FLOT1: variants seen among roughly 807,000 people sequenced by gnomAD.
FLOT1 encodes flotillin 1, also known as flotillin-1.
In FLOT1, 40 loss-of-function variants were observed where a neutral mutation model predicts 58.4. That is an observed-to-expected ratio of 0.69 (90% CI 0.53 to 0.89). The LOEUF (loss-of-function observed/expected upper bound fraction) is 0.89, where lower values mean the gene tolerates loss of function less well. FLOT1 is among the 40% of genes least tolerant of loss of function. The pLI is 0.00. For synonymous variants in FLOT1, 178 were observed against 204.2 expected (o/e 0.87, Z 1.09); for missense variants, 423 against 540.8 (o/e 0.78, Z 2.16).
intron 9 of FLOT1, 22 bp downstream of exon 9, chr6:30,730,897 G>C (rs1777130735): frequency 6.2e-7 from 1 of 1,605,874 alleles, no homozygotes; most frequent in Non-Finnish European, 8.5e-7. Context: ...GAGCTAGGCA[G>C]GGTCAGGGAG....
Position 30,737,230 on chromosome 6 carries a change from G to GTCCGTCCA in FLOT1, c.723+2927_723+2928insTGGACGGA, listed in dbSNP as rs1554208558. ...CTGTCGTCCGTCCGTCCGTCCGTCC[G>GTCCGTCCA]TCCGTCCGTCCGTCCGTCCATCCGT... is the stretch of plus-strand genomic sequence containing the variant. On this transcript the variant is annotated intron_variant, in intron 8 of 12. Transcript: ENST00000376389. This position sits in a 1 kb window ranked among gnomAD's most constrained non-coding sequence, Gnocchi z 4.4. Among the ~76,000 whole-genome samples, 25 of 136,686 alleles carry GTCCGTCCA rather than the reference G, an allele frequency of 1.8e-4. 1 individual carries two copies. In the South Asian group the frequency reaches 2.7e-3, roughly 15 times the overall value. 89.7% of individuals were successfully genotyped at this position (136,686 alleles called of 152,430 possible). A position where few individuals can be genotyped will look rare whatever the true frequency, so the allele number is the denominator to read the frequency against.
At position 30,740,495 on chromosome 6, in the gene FLOT1, C is replaced by T; in HGVS notation, c.570+1G>A. On this transcript the variant is annotated splice_donor_variant, in intron 7 of 12. Transcript: ENST00000376389. LOFTEE classifies it high-confidence loss of function. Reference sequence around the variant, plus strand: ...CACTAAGCAACCCCCATCTCTCTCACCCGGATCCCAGCATCTCTCTTGGCC... The same window carrying T: ...CACTAAGCAACCCCCATCTCTCTCATCCGGATCCCAGCATCTCTCTTGGCC... The T allele has an allele frequency of 1.2e-6, 2 of 1,612,400 alleles. No homozygotes were observed. Among genetic ancestry groups the T allele is most frequent in the Non-Finnish European group, 1.7e-6 (2 of 1,179,926 alleles).
At position 30,730,044 on chromosome 6, in the gene FLOT1, A is replaced by G. The variant is rs767419945; in HGVS notation, c.1232T>C (p.Leu411Pro). The change falls in exon 12 of 13, where the codon CTC becomes CCC. Residue 411 changes from leucine (L) to proline (P), a missense_variant. Leu to Pro is a moderately conservative substitution (Grantham distance 98). This residue lies in a region of FLOT1 where 44 missense variants were observed against 40.3 expected (regional missense o/e 1.09). Transcript: ENST00000376389. ...LTRLPESVER[L>P]TGVSISQVNH... ...CACCTGGGAGATGCTCACGCCTGTG[A>G]GTCTTTCCACACTCTCTGGCAGGCG... The G allele has an allele frequency of 6.2e-7, 1 of 1,613,024 alleles. No homozygotes were observed. Among genetic ancestry groups the G allele is most frequent in the East Asian group, 2.2e-5 (1 of 44,886 alleles).
rs768590888 is a variant in FLOT1 at position 30,737,303 on chromosome 6, G to A, written c.723+2855C>T. Among the ~76,000 whole-genome samples, 2 of 150,444 alleles carry A rather than the reference G, an allele frequency of 1.3e-5. No homozygotes were observed. The highest frequency in any genetic ancestry group is 3.0e-5 in the Non-Finnish European group (2 of 67,544). ...ATCTTAGAAGGAGTCTCGCTCTGTC[G>A]CCCAGGCTGGAGTGCGGTGGCGCAA... is the stretch of plus-strand genomic sequence containing the variant. On this transcript the variant is annotated intron_variant, in intron 8 of 12. Coordinates refer to ENST00000376389, the MANE Select transcript of FLOT1 (RefSeq NM_005803.4). The surrounding 1 kb of genome is among the most constrained non-coding windows in gnomAD (Gnocchi z 4.4).
In FLOT1 at chr6:30,727,825, C is replaced by T. The variant is rs1001783491; in HGVS notation, c.*291G>A. ...TTGGTCAGGAAAATATTCTAGACAA[C>T]AGGCTCAAACAGTCTGATTTAATTA... On this transcript the variant is annotated 3_prime_UTR_variant, in exon 13 of 13. Transcript: ENST00000376389. The T allele has an allele frequency of 5.2e-5, 29 of 556,010 alleles. No homozygotes were observed. Among genetic ancestry groups the T allele is most frequent in the Non-Finnish European group, 8.7e-5 (27 of 310,618 alleles). The allele number at this position is 556,010 out of a possible 1,614,324, so 34.4% of individuals were successfully genotyped here.
intron 8 of FLOT1, among the ~76,000 whole-genome samples, chr6:30,734,109 A>C (rs1777400457): frequency 6.9e-6 from 1 of 144,010 alleles, no homozygotes; most frequent in African/African-American, 2.5e-5. Flanking sequence ...CCTCTTTGAG[A>C]TCTCTCTCTC....
Position 30,741,855 on chromosome 6 carries a change from C to G in FLOT1, c.56G>C (p.Ser19Thr). ...CCCTCCAGCCACCATGACTGGGGGG[C>G]TTCGGCAGAACCCTGCAAGGTGTGG... ...EAMVVSGFCRSPPVMVAGGRV... is the reference protein window; with the variant it reads ...EAMVVSGFCRTPPVMVAGGRV... The change falls in exon 3 of 13, where the codon AGC becomes ACC. Residue 19 changes from serine to threonine, a missense_variant. Ser to Thr is a moderately conservative substitution (Grantham distance 58). Coordinates refer to ENST00000376389, the MANE Select transcript of FLOT1 (RefSeq NM_005803.4). This position sits in a 1 kb window ranked among gnomAD's most constrained non-coding sequence, Gnocchi z 5.9. The G allele has an allele frequency of 6.2e-7, 1 of 1,612,602 alleles. No homozygotes were observed. The highest frequency in any genetic ancestry group is 8.5e-7 in the Non-Finnish European group (1 of 1,180,008).
In FLOT1 at chr6:30,740,701, AGAG is replaced by A; in HGVS notation, c.449_451del (p.Thr150_Leu151delinsMet). ...TACCTGGTCATCGTGAATGTCCTTC[AGAG>A]TGTAGCTAACCACACTGATGCCCAT... On this transcript the variant is annotated inframe_deletion, in exon 6 of 13. Transcript: ENST00000376389. The A allele has an allele frequency of 6.2e-7, 1 of 1,613,040 alleles. No homozygotes were observed. The highest frequency in any genetic ancestry group is 8.5e-7 in the Non-Finnish European group (1 of 1,180,024).
intron 12 of FLOT1, among the ~76,000 whole-genome samples, chr6:30,728,695 TCTGACCTCAG>T (rs917349388): frequency 6.6e-6 from 1 of 151,916 alleles, no homozygotes; most frequent in Admixed American, 6.6e-5. Context: ...ATCTCAAACT[TCTGACCTCAG>T]CTGATCGTCC....
chr6:30,736,750 C>T (rs1427684390), intron 8 of FLOT1, among the ~76,000 whole-genome samples: 3 of 151,530 alleles, frequency 2.0e-5, no homozygotes, highest in Non-Finnish European at 2.9e-5. Context: ...CCTGCCACCA[C>T]GCCCAGCTAA....
At position 30,741,686 on chromosome 6, in the gene FLOT1, C is replaced by T. The variant is rs1777993301; in HGVS notation, c.138G>A (p.Leu46=). The part of the protein sequence containing the change: ...QQIQRISLNT[L]TLNVKSEKVY... ...CCTTTTCACTCTTGACATTGAGGGT[C>T]AGTGTGTTGAGAGAGATCCTAGGGG... The change falls in exon 4 of 13, where the codon CTG becomes CTA. Residue 46 remains leucine (L), a synonymous_variant. Coordinates refer to ENST00000376389, the MANE Select transcript of FLOT1 (RefSeq NM_005803.4). This position sits in a 1 kb window ranked among gnomAD's most constrained non-coding sequence, Gnocchi z 5.9. 6 of 1,612,844 alleles carry T rather than the reference C, an allele frequency of 3.7e-6. No homozygotes were observed. The highest frequency in any genetic ancestry group is 5.1e-6 in the Non-Finnish European group (6 of 1,179,934).
intron 7 of FLOT1, 28 bp downstream of exon 7, chr6:30,740,468 C>T (rs1255677385): frequency 6.2e-7 from 1 of 1,606,782 alleles, no homozygotes; most frequent in Admixed American, 1.7e-5. Flanking sequence ...TATCCCCTTT[C>T]CCACTAAGCA....
chr6:30,740,648 A>G, intron 6 of FLOT1, 31 bp downstream of exon 6: 4 of 1,612,944 alleles, frequency 2.5e-6, no homozygotes, highest in Non-Finnish European at 3.4e-6. Flanking sequence ...GGGAGCAAGG[A>G]AGTGGGGAAG....
At chr6:30,738,937 G>A (rs192005317) in intron 8 of FLOT1, among the ~76,000 whole-genome samples, 2 of 152,344 alleles carry the variant, frequency 1.3e-5, no homozygotes, top group Admixed American at 1.3e-4. Flanking sequence ...CCTGGGTACT[G>A]TGCGTGTCTG....
chr6:30,728,050 C>T lies in FLOT1; in HGVS notation c.*66G>A. On this transcript the variant is annotated 3_prime_UTR_variant, in exon 13 of 13. Coordinates refer to ENST00000376389, the MANE Select transcript of FLOT1 (RefSeq NM_005803.4). ...CATGCTCAGGGAGGCCAGTGGGTTA[C>T]ATGCAACAGGAGGATCATTCAGGCA... The T allele has an allele frequency of 1.4e-6, 2 of 1,464,936 alleles. No individual in the cohort carries two copies. The highest frequency in any genetic ancestry group is 1.9e-6 in the Non-Finnish European group (2 of 1,045,458). The allele number at this position is 1,464,936 out of a possible 1,614,324, so 90.7% of individuals were successfully genotyped here.
chr6:30,728,770 G>A (rs1039604469), intron 12 of FLOT1, among the ~76,000 whole-genome samples: 3 of 149,202 alleles, frequency 2.0e-5, no homozygotes, highest in East Asian at 3.9e-4. Context: ...CACCCAGCCC[G>A]AATATGCATT....
chr6:30,742,135 A>G lies in FLOT1; in HGVS notation c.43+12T>C, dbSNP rs1032338116. Reference sequence around the variant, plus strand: ...TGGGGTCACTGGCTGGGAAGGGAACAACAGTACTTACCGGAGACCACCATG... The same window carrying G: ...TGGGGTCACTGGCTGGGAAGGGAACGACAGTACTTACCGGAGACCACCATG... On this transcript the variant is annotated intron_variant, in intron 2 of 12. Transcript: ENST00000376389. The surrounding 1 kb of genome is among the most constrained non-coding windows in gnomAD (Gnocchi z 5.2). 3 of 1,612,430 alleles carry G rather than the reference A, an allele frequency of 1.9e-6. No individual in the cohort carries two copies. Among genetic ancestry groups the G allele is most frequent in the East Asian group, 2.2e-5 (1 of 44,882 alleles).
intron 12 of FLOT1, among the ~76,000 whole-genome samples, chr6:30,729,670 A>G (rs3094127): frequency 0.27 from 40,921 of 152,086 alleles, 6,695 homozygotes; most frequent in African/African-American, 0.46. Flanking sequence ...GATATGCCCT[A>G]GAATTAATTA....
rs2127783718 is a variant in FLOT1 at position 30,741,882 on chromosome 6, G to A, written c.44-15C>T. The A allele has an allele frequency of 6.2e-7, 1 of 1,610,904 alleles. No individual in the cohort carries two copies. The highest frequency in any genetic ancestry group is 8.5e-7 in the Non-Finnish European group (1 of 1,178,976). On this transcript the variant is annotated splice_polypyrimidine_tract_variant and intron_variant, in intron 2 of 12. Coordinates refer to ENST00000376389, the MANE Select transcript of FLOT1 (RefSeq NM_005803.4). This position sits in a 1 kb window ranked among gnomAD's most constrained non-coding sequence, Gnocchi z 5.9. ...TCGGCAGAACCCTGCAAGGTGTGGG[G>A]CAGTGAGGAACGGTGGCAGAGCTTG...
Sources: gnomAD v4.1 joint callset for allele counts (sites outside exome capture counted in the v4.1 genomes callset) on GRCh38, gnomAD v4.1.1 for gene constraint, gnomAD v4.1.1 regional missense constraint, Gnocchi (gnomAD v3.1) non-coding constraint, MANE v1.5 for transcripts, NCBI Gene and HGNC (gene_info 2026-07-23, HGNC 2026-07-21) for gene names.